The following CHODL variants were observed in gnomAD, a reference collection of about 807,000 sequenced individuals.
CHODL encodes chondrolectin.
CHODL carries 29 observed loss-of-function variants against 34.5 expected under a neutral mutation model. The ratio of observed to expected loss-of-function variants is 0.84; its 90% CI spans 0.63 to 1.15. The LOEUF is 1.15. CHODL is among the 50% of genes most tolerant of loss of function. The pLI is 0.00. For synonymous variants in CHODL, 125 were observed against 116.1 expected (o/e 1.08, Z -0.49); for missense variants, 332 against 332.5 (o/e 1.00, Z 0.01).
rs934930560 is a variant in CHODL at position 18,224,186 on chromosome 21, A to G, written c.-44-32323A>G. 2.0e-5 allele frequency among the ~76,000 whole-genome samples: 3 copies of G among 152,094 alleles called. No homozygotes were observed. In the East Asian group the frequency reaches 5.8e-4, roughly 29 times the overall value. ...CCAAATTGACTGAGGTCTCTCATATATTCCACCACTTTTTGTAAGGCTGAT... is the reference window on the plus strand; with the variant it reads ...CCAAATTGACTGAGGTCTCTCATATGTTCCACCACTTTTTGTAAGGCTGAT... On this transcript the variant is annotated intron_variant, in intron 2 of 6. Transcript: ENST00000400127.
At position 18,098,340 on chromosome 21, in the gene CHODL, AG is replaced by A. The variant is rs559782035; in HGVS notation, c.-45+70373del. On this transcript the variant is annotated intron_variant, in intron 2 of 6. Coordinates refer to the CHODL transcript ENST00000400127. ...TAAGGAATTAATAACCAGAATATATAGGGGCCTCAATAACTCTATAGGAAAA... is the reference window on the plus strand; with the variant it reads ...TAAGGAATTAATAACCAGAATATATAGGGCCTCAATAACTCTATAGGAAAA... Among the ~76,000 whole-genome samples the A allele has an allele frequency of 5.2e-3, 794 of 152,178 alleles. 2 individuals are homozygous for A. The highest frequency in any genetic ancestry group is 0.017 in the African/African-American group (722 of 41,554).
At chr21:18,249,090 AATAT>A (rs544484098) in intron 1 of CHODL, among the ~76,000 whole-genome samples, 1 of 124,684 alleles carries the variant, frequency 8.0e-6, no homozygotes, top group Non-Finnish European at 1.6e-5. Flanking sequence ...TATATAATAA[AATAT>A]ATATATATAA....
At chr21:18,013,211 T>C (rs1052308613) in intron 1 of CHODL, among the ~76,000 whole-genome samples, 1 of 152,234 alleles carries the variant, frequency 6.6e-6, no homozygotes, top group Non-Finnish European at 1.5e-5. Context: ...CTCTTACCAG[T>C]GTTTATTGGG....
At chr21:18,207,968 C>G (rs1188358709) in intron 2 of CHODL, among the ~76,000 whole-genome samples, 1 of 151,940 alleles carries the variant, frequency 6.6e-6, no homozygotes, top group Admixed American at 6.6e-5. Context: ...GCTTAGTGTT[C>G]TATAACCTTC....
intron 2 of CHODL, among the ~76,000 whole-genome samples, chr21:18,086,544 A>G (rs918612703): frequency 1.3e-5 from 2 of 152,118 alleles, no homozygotes; most frequent in African/African-American, 2.4e-5. Flanking sequence ...ATTCAGTAGT[A>G]TACTTTGGCT....
intron 2 of CHODL, among the ~76,000 whole-genome samples, chr21:18,052,315 T>G (rs983308952): frequency 6.6e-6 from 1 of 151,864 alleles, no homozygotes; most frequent in African/African-American, 2.4e-5. Flanking sequence ...ATGTCTTTAT[T>G]TTACTGATGA....
intron 1 of CHODL, among the ~76,000 whole-genome samples, chr21:18,001,877 T>C (rs182588410): frequency 6.6e-5 from 10 of 151,996 alleles, no homozygotes; most frequent in African/African-American, 2.4e-4. Flanking sequence ...TAAAATAGGT[T>C]ACTTTTGAAG....
chr21:18,221,733 T>A (rs1267795658), intron 2 of CHODL, among the ~76,000 whole-genome samples: 1 of 152,204 alleles, frequency 6.6e-6, no homozygotes, highest in Non-Finnish European at 1.5e-5. Context: ...GTGTGCCAAA[T>A]GAGCTGGTCC....
At chr21:17,994,881 A>C (rs2063833532) in intron 1 of CHODL, among the ~76,000 whole-genome samples, 1 of 151,990 alleles carries the variant, frequency 6.6e-6, no homozygotes, top group Non-Finnish European at 1.5e-5. Flanking sequence ...CTGCCACTGG[A>C]GGGGGATGGG....
At chr21:18,066,877 A>G (rs1256158428) in intron 2 of CHODL, among the ~76,000 whole-genome samples, 8 of 152,174 alleles carry the variant, frequency 5.3e-5, no homozygotes, top group Admixed American at 2.0e-4. Flanking sequence ...GATTATGGGA[A>G]GTGACACAAT....
intron 1 of CHODL, among the ~76,000 whole-genome samples, chr21:17,983,015 G>A (rs1220283526): frequency 2.0e-5 from 3 of 151,878 alleles, no homozygotes; most frequent in African/African-American, 2.4e-5. Context: ...GTGAGCCACC[G>A]CATTCATCGC....
chr21:18,113,852 G>A (rs993504990), intron 2 of CHODL, among the ~76,000 whole-genome samples: 2 of 152,186 alleles, frequency 1.3e-5, no homozygotes, highest in East Asian at 3.9e-4. Context: ...TGTGTTTGTT[G>A]CAGCACTGTT....
At chr21:18,164,690 T>TCTAGTCATTTCCTC (rs60324506) in intron 2 of CHODL, among the ~76,000 whole-genome samples, 136,247 of 151,856 alleles carry the variant, frequency 0.9, 61,740 homozygotes, top group Non-Finnish European at 0.96. Flanking sequence ...CATTTCCTCA[T>TCTAGTCATTTCCTC]CTAGTCATTT....
At chr21:18,241,630 G>C (rs1442399247), upstream of CHODL, among the ~76,000 whole-genome samples, 1 of 152,132 alleles carries the variant, frequency 6.6e-6, no homozygotes, top group Non-Finnish European at 1.5e-5. Context: ...TGGAATTTAG[G>C]CTGTCCTTCC....
intron 1 of CHODL, among the ~76,000 whole-genome samples, chr21:17,944,103 T>G (rs1201471945): frequency 1.5e-5 from 2 of 136,242 alleles, no homozygotes; most frequent in African/African-American, 5.6e-5. Flanking sequence ...CTTCCTAGCT[T>G]AAGAACCCAC....
intron 1 of CHODL, among the ~76,000 whole-genome samples, chr21:18,014,604 T>G (rs2064053413): frequency 6.6e-6 from 1 of 152,198 alleles, no homozygotes; most frequent in Non-Finnish European, 1.5e-5. Context: ...CTTCATGGCT[T>G]GGTGCTGTCC....
At chr21:18,234,178 GCTA>G (rs1363940337) in intron 2 of CHODL, among the ~76,000 whole-genome samples, 2 of 152,072 alleles carry the variant, frequency 1.3e-5, no homozygotes, top group Admixed American at 6.6e-5. Flanking sequence ...GTTCGAATGC[GCTA>G]CTTTTACTCT....
intron 2 of CHODL, among the ~76,000 whole-genome samples, chr21:18,175,749 G>C (rs546501580): frequency 3.9e-5 from 6 of 152,264 alleles, no homozygotes; most frequent in Non-Finnish European, 8.8e-5. Context: ...CAAAAGAGAG[G>C]CTGTTACTGG....
At chr21:18,180,332 G>A (rs1229567468) in intron 2 of CHODL, among the ~76,000 whole-genome samples, 1 of 152,012 alleles carries the variant, frequency 6.6e-6, no homozygotes, top group Non-Finnish European at 1.5e-5. Context: ...TTTATGTAGA[G>A]ATGGGGTCCA....
Sources: allele counts gnomAD v4.1 joint callset (sites outside exome capture counted in the v4.1 genomes callset), GRCh38; gene constraint gnomAD v4.1.1; transcripts MANE v1.5; gene names NCBI Gene and HGNC (gene_info 2026-07-23, HGNC 2026-07-21).